Variants in MBP observed in about 807,000 individuals in gnomAD.
The protein encoded by MBP is myelin basic protein, also known as Golli-MBP.
MBP carries 16 observed loss-of-function variants against 35.8 expected under a neutral mutation model. That is an observed-to-expected ratio of 0.45 (90% confidence interval 0.30 to 0.68). The LOEUF (loss-of-function observed/expected upper bound fraction) is 0.68. Ranked by LOEUF, MBP falls within the 30% of genes least tolerant of loss-of-function variation. MBP has a pLI of 0.08. For missense variants in MBP, 380 were observed against 404.7 expected, an observed-to-expected ratio of 0.94 and a Z score of 0.52; for synonymous variants, 143 against 159.6, an observed-to-expected ratio of 0.90 and a Z score of 0.78.
At chr18:77,132,070 C>T (rs997006524) in intron 1 of MBP, among the ~76,000 whole-genome samples, 3 of 152,114 alleles carry the variant, frequency 2.0e-5, no homozygotes, top group Non-Finnish European at 2.9e-5. Context: ...CGGGAGGACC[C>T]CCCAGCCCGC....
At chr18:77,018,813 T>TATCCATCC (rs1183210563) in intron 3 of MBP, among the ~76,000 whole-genome samples, 1 of 132,496 alleles carries the variant, frequency 7.5e-6, no homozygotes, top group Non-Finnish European at 1.6e-5. Flanking sequence ...TTTATCCATC[T>TATCCATCC]ATCCATCCAT....
chr18:77,109,988 T>C (rs868599583), intron 1 of MBP: 1 of 152,232 alleles, frequency 6.6e-6, no homozygotes, highest in Middle Eastern at 3.2e-3. Flanking sequence ...AATGTTTCTA[T>C]GGAGATAACA....
At chr18:77,116,136 C>T (rs1463795042) in intron 1 of MBP, among the ~76,000 whole-genome samples, 1 of 148,520 alleles carries the variant, frequency 6.7e-6, no homozygotes, top group Admixed American at 6.7e-5. Flanking sequence ...TCCTGAGGGG[C>T]CCCACATCTT....
intron 1 of MBP, among the ~76,000 whole-genome samples, chr18:77,123,356 TA>T (rs1191448839): frequency 1.3e-5 from 2 of 152,208 alleles, no homozygotes; most frequent in Non-Finnish European, 2.9e-5. Flanking sequence ...CAAATAAAAA[TA>T]AACTGTCAAC....
intron 4 of MBP, among the ~76,000 whole-genome samples, chr18:76,993,605 A>G (rs1970096712): frequency 6.6e-6 from 1 of 151,636 alleles, no homozygotes; most frequent in African/African-American, 2.4e-5. Flanking sequence ...TTTCTTAGTA[A>G]TCAGCAACTC....
At chr18:76,986,288 A>G in intron 7 of MBP, 7 of 985,528 alleles carry the variant, frequency 7.1e-6, no homozygotes, top group Non-Finnish European at 8.4e-6. Context: ...ACCAAACCAG[A>G]CTGTCCCTCC....
At chr18:77,055,450 C>T (rs1035080785) in intron 3 of MBP, among the ~76,000 whole-genome samples, 15 of 152,056 alleles carry the variant, frequency 9.9e-5, no homozygotes, top group African/African-American at 1.9e-4. Flanking sequence ...CCTCTGCCAT[C>T]CTCCCTGGCT....
chr18:77,021,705 G>C (rs375707800), intron 3 of MBP, among the ~76,000 whole-genome samples: 20 of 152,082 alleles, frequency 1.3e-4, no homozygotes, highest in African/African-American at 4.8e-4. Flanking sequence ...GGCTGGTCTC[G>C]AACTCCTGAC....
chr18:77,105,747 G>T (rs992640938), intron 1 of MBP, among the ~76,000 whole-genome samples: 2 of 152,224 alleles, frequency 1.3e-5, no homozygotes, highest in Admixed American at 6.5e-5. Context: ...CATGCTCACT[G>T]CTTTAAAGAA....
intron 3 of MBP, among the ~76,000 whole-genome samples, chr18:77,056,802 C>G (rs1306297493): frequency 6.6e-6 from 1 of 152,206 alleles, no homozygotes; most frequent in African/African-American, 2.4e-5. Context: ...CACACAACCC[C>G]CCTCTGCACA....
At chr18:77,074,454 C>A (rs34879896) in intron 2 of MBP, among the ~76,000 whole-genome samples, 1 of 152,078 alleles carries the variant, frequency 6.6e-6, no homozygotes, top group African/African-American at 2.4e-5. Flanking sequence ...ATCACACTTT[C>A]GTAGGATTCT....
chr18:77,062,824 T>A (rs1219130225), intron 3 of MBP, among the ~76,000 whole-genome samples: 1 of 152,228 alleles, frequency 6.6e-6, no homozygotes, highest in Non-Finnish European at 1.5e-5. Flanking sequence ...GACTCTCTTA[T>A]CAGCTGAAAT....
chr18:77,096,221 T>C (rs533786234), intron 2 of MBP, among the ~76,000 whole-genome samples: 1 of 152,396 alleles, frequency 6.6e-6, no homozygotes, highest in Admixed American at 6.5e-5. Flanking sequence ...TGAAAGATTC[T>C]ATTTACATGT....
intron 3 of MBP, among the ~76,000 whole-genome samples, chr18:77,025,485 C>A (rs865773877): frequency 6.6e-6 from 1 of 152,064 alleles, no homozygotes; most frequent in Non-Finnish European, 1.5e-5. Context: ...GAACAAAAGC[C>A]GAGTCCCACA....
At chr18:76,990,592 T>C (rs113726348) in intron 4 of MBP, among the ~76,000 whole-genome samples, 9 of 152,246 alleles carry the variant, frequency 5.9e-5, no homozygotes, top group African/African-American at 2.2e-4. Context: ...TAGGCAGGCT[T>C]GAGGACAAGG....
chr18:77,066,590 C>T, intron 2 of MBP: 1 of 752,762 alleles, frequency 1.3e-6, no homozygotes, highest in Non-Finnish European at 2.4e-6. Flanking sequence ...TGCCTAAGCA[C>T]CTAAGCACTT....
intron 2 of MBP, among the ~76,000 whole-genome samples, chr18:77,074,719 C>T (rs565658828): frequency 2.0e-5 from 3 of 152,296 alleles, no homozygotes; most frequent in African/African-American, 7.2e-5. Flanking sequence ...AATCGATTCC[C>T]AGACACAGCC....
intron 2 of MBP, among the ~76,000 whole-genome samples, chr18:77,085,225 A>C (rs1975172781): frequency 6.6e-6 from 1 of 152,226 alleles, no homozygotes; most frequent in Admixed American, 6.5e-5. Context: ...TTAATTCCCC[A>C]GAACATATTC....
chr18:77,065,967 C>T (rs191987412), intron 3 of MBP: 52 of 249,832 alleles, frequency 2.1e-4, no homozygotes, highest in African/African-American at 1.1e-3. Context: ...AAGTGATCCT[C>T]TCACTTCAGC....
Sources: allele counts gnomAD v4.1 joint callset (sites outside exome capture counted in the v4.1 genomes callset), GRCh38; gene constraint gnomAD v4.1.1; transcripts MANE v1.5; gene names NCBI Gene and HGNC (gene_info 2026-07-23, HGNC 2026-07-21).